BCKDHB: variants seen among roughly 807,000 people sequenced by gnomAD.
The protein encoded by BCKDHB is branched chain keto acid dehydrogenase E1 subunit beta.
In BCKDHB, 41 loss-of-function variants were observed where a neutral mutation model predicts 48.5. The observed-to-expected ratio is 0.85, with a 90% CI of 0.66 to 1.10. The LOEUF (loss-of-function observed/expected upper bound fraction) is 1.10, where lower values mean the gene tolerates loss of function less well. BCKDHB is among the 50% of genes least tolerant of loss of function. The probability of loss-of-function intolerance (pLI) is 0.00; values close to 1 mark genes in which losing one functional copy is unlikely to be tolerated. For synonymous variants in BCKDHB, 201 were observed against 174.8 expected, an observed-to-expected ratio of 1.15 and a Z score of -1.18; for missense variants, 496 against 494.2, an observed-to-expected ratio of 1.00 and a Z score of -0.03.
the BCKDHB span, among the ~76,000 whole-genome samples, chr6:80,452,694 T>A: frequency 2.6e-5 from 4 of 152,170 alleles, no homozygotes; most frequent in Admixed American, 6.5e-5. Context: ...AGAGGCAGAT[T>A]AGAAGCAGAA....
intron 9 of BCKDHB, among the ~76,000 whole-genome samples, chr6:80,314,032 A>C (rs190359168): frequency 6.2e-4 from 95 of 152,208 alleles, no homozygotes; most frequent in Admixed American, 1.2e-3. Context: ...ATTTACCCAA[A>C]AGTCATTCAG....
intron 9 of BCKDHB, among the ~76,000 whole-genome samples, chr6:80,282,637 ACCTGTATGCAAAC>A: frequency 6.6e-6 from 1 of 152,124 alleles, no homozygotes; most frequent in Non-Finnish European, 1.5e-5. Context: ...ATGAAAACTC[ACCTGTATGCAAAC>A]CTACAGGTAC....
At chr6:80,311,314 G>A (rs952385782) in intron 9 of BCKDHB, among the ~76,000 whole-genome samples, 4 of 152,126 alleles carry the variant, frequency 2.6e-5, no homozygotes, top group African/African-American at 9.7e-5. Context: ...CCAGTCTCGG[G>A]TATGCCTTTA....
chr6:80,346,468 C>A (rs901627605), downstream of BCKDHB, among the ~76,000 whole-genome samples: 1 of 152,076 alleles, frequency 6.6e-6, no homozygotes, highest in South Asian at 2.1e-4. Flanking sequence ...TAGAATGTTT[C>A]CCCTCATTCT....
chr6:80,124,815 A>T (rs371372712), intron 1 of BCKDHB, among the ~76,000 whole-genome samples: 1 of 152,164 alleles, frequency 6.6e-6, no homozygotes, highest in Admixed American at 6.6e-5. Context: ...GGAAACCCTG[A>T]TATAAATAGA....
chr6:80,392,215 A>G, the BCKDHB span, among the ~76,000 whole-genome samples: 6 of 152,110 alleles, frequency 3.9e-5, no homozygotes, highest in Admixed American at 1.3e-4. Flanking sequence ...GCTGGTCTCT[A>G]ACTCCTGACT....
chr6:80,233,584 G>T (rs1415184710), intron 8 of BCKDHB, among the ~76,000 whole-genome samples: 6 of 152,016 alleles, frequency 3.9e-5, no homozygotes, highest in Non-Finnish European at 5.9e-5. Context: ...ATCTTAATTA[G>T]GCCTCCCTGG....
chr6:80,144,165 T>C (rs1423509885), intron 3 of BCKDHB, among the ~76,000 whole-genome samples: 3 of 152,166 alleles, frequency 2.0e-5, no homozygotes, highest in African/African-American at 7.2e-5. Flanking sequence ...ACGGCAGAAA[T>C]ACAGCATATT....
chr6:80,271,265 G>T (rs1422345909), intron 8 of BCKDHB, among the ~76,000 whole-genome samples: 1 of 152,054 alleles, frequency 6.6e-6, no homozygotes, highest in Admixed American at 6.6e-5. Context: ...CATGTCCTTA[G>T]TCTTTTTCAT....
At chr6:80,445,032 G>A in the BCKDHB span, among the ~76,000 whole-genome samples, 34 of 152,268 alleles carry the variant, frequency 2.2e-4, no homozygotes, top group Non-Finnish European at 4.6e-4. Context: ...AATCTTTTGA[G>A]TCTTCTAAAC....
At chr6:80,409,618 A>G in the BCKDHB span, among the ~76,000 whole-genome samples, 1 of 75,296 alleles carries the variant, frequency 1.3e-5, no homozygotes, top group African/African-American at 4.3e-5. Flanking sequence ...ATATATATAT[A>G]TATATATATA....
chr6:80,426,517 G>T, the BCKDHB span, among the ~76,000 whole-genome samples: 2 of 151,952 alleles, frequency 1.3e-5, no homozygotes, highest in African/African-American at 4.8e-5. Flanking sequence ...TTAATATTAT[G>T]TATTTTCATT....
At chr6:80,191,603 A>C (rs891174597) in intron 6 of BCKDHB, among the ~76,000 whole-genome samples, 2 of 152,196 alleles carry the variant, frequency 1.3e-5, no homozygotes, top group Non-Finnish European at 2.9e-5. Context: ...ACTTAAAAAC[A>C]GTAGCATGTT....
rs547589309 is a variant in BCKDHB, at chr6:80,278,135, T to G, written c.1038+4914T>G. Among the ~76,000 whole-genome samples, 3 of 152,326 alleles carry G rather than the reference T, an allele frequency of 2.0e-5. No individual in the cohort carries two copies. The East Asian group carries it at 5.8e-4, about 29-fold the overall frequency. On this transcript the variant is annotated intron_variant, in intron 9 of 9. Coordinates refer to ENST00000320393, the MANE Select transcript of BCKDHB (RefSeq NM_183050.4). ...TTGTCATCAGAGAAAACTATCAGATTAGTAATTTGATGAGTAGTTTACTGC... is the reference window on the plus strand; with the variant it reads ...TTGTCATCAGAGAAAACTATCAGATGAGTAATTTGATGAGTAGTTTACTGC...
intron 9 of BCKDHB, among the ~76,000 whole-genome samples, chr6:80,283,807 CCTTAT>C (rs1766491267): frequency 6.6e-6 from 1 of 151,922 alleles, no homozygotes; most frequent in Non-Finnish European, 1.5e-5. Context: ...AAATGTACAG[CCTTAT>C]CTTCAAAATT....
the BCKDHB span, among the ~76,000 whole-genome samples, chr6:80,456,273 A>G: frequency 2.6e-5 from 4 of 151,960 alleles, no homozygotes; most frequent in African/African-American, 7.2e-5. Flanking sequence ...ACAACAACAC[A>G]TAGTGCTTTT....
chr6:80,383,590 A>G, the BCKDHB span, among the ~76,000 whole-genome samples: 10 of 152,262 alleles, frequency 6.6e-5, no homozygotes, highest in East Asian at 1.7e-3. Context: ...CAATTTATTT[A>G]AAATGTGTCT....
downstream of BCKDHB, among the ~76,000 whole-genome samples, chr6:80,350,942 C>G (rs1439022372): frequency 6.6e-6 from 1 of 152,270 alleles, no homozygotes; most frequent in East Asian, 1.9e-4. Context: ...AACGCTTGGT[C>G]TACAGAAGGC....
chr6:80,428,852 C>A, the BCKDHB span, among the ~76,000 whole-genome samples: 5 of 152,132 alleles, frequency 3.3e-5, no homozygotes, highest in Non-Finnish European at 5.9e-5. Context: ...GTTTCTTTTG[C>A]TGTGCAGAAG....
Sources: allele counts gnomAD v4.1 joint callset (sites outside exome capture counted in the v4.1 genomes callset), GRCh38; gene constraint gnomAD v4.1.1; transcripts MANE v1.5; gene names NCBI Gene and HGNC (gene_info 2026-07-23, HGNC 2026-07-21).